Variants in GARIN5A observed in about 807,000 individuals in gnomAD.
The protein encoded by GARIN5A is Golgi-associated RAB2 interactor protein 5A.
At chr19:50,467,465 A>T in the GARIN5A span, 1 of 829,848 alleles carries the variant, frequency 1.2e-6, no homozygotes, top group Non-Finnish European at 1.9e-6. Context: ...GGAGTCCAGG[A>T]CCCAAGCTCT....
At chr19:50,475,816 G>T in the GARIN5A span, 1 of 1,583,856 alleles carries the variant, frequency 6.3e-7, no homozygotes, top group South Asian at 1.1e-5. Flanking sequence ...GGATGAGGGG[G>T]TTCTGGGGCT....
At chr19:50,476,478 G>T in the GARIN5A span, 1 of 1,574,852 alleles carries the variant, frequency 6.3e-7, no homozygotes. Flanking sequence ...GATGCGGCCT[G>T]TTCCTCCCGG....
chr19:50,470,621 G>A, the GARIN5A span, among the ~76,000 whole-genome samples: 15 of 151,644 alleles, frequency 9.9e-5, no homozygotes, highest in Non-Finnish European at 2.1e-4. Flanking sequence ...GGGGGTGGGC[G>A]CAGGGAGAAG....
the GARIN5A span, among the ~76,000 whole-genome samples, chr19:50,470,970 A>G: frequency 6.6e-6 from 1 of 150,450 alleles, no homozygotes; most frequent in East Asian, 2.0e-4. Flanking sequence ...ACTGCTTTTT[A>G]TTTTATTTTT....
the GARIN5A span, chr19:50,467,561 C>G: frequency 6.5e-7 from 1 of 1,533,498 alleles, no homozygotes; most frequent in Non-Finnish European, 8.8e-7. Context: ...CTCACCTCCT[C>G]CCACTCCCTC....
chr19:50,471,956 A>ATGTG, the GARIN5A span, among the ~76,000 whole-genome samples: 17 of 139,228 alleles, frequency 1.2e-4, no homozygotes, highest in East Asian at 4.6e-4. Flanking sequence ...ATATACATGT[A>ATGTG]TGTATGTATA....
At chr19:50,475,981 T>A in the GARIN5A span, 1 of 1,604,530 alleles carries the variant, frequency 6.2e-7, no homozygotes, top group African/African-American at 1.3e-5. Context: ...GGGTCGATCC[T>A]GGGAGGCTGT....
chr19:50,476,635 C>T, the GARIN5A span: 29 of 1,544,508 alleles, frequency 1.9e-5, no homozygotes, highest in Admixed American at 5.2e-4. Context: ...CAGCGGCTGC[C>T]GGGCCGGGAC....
the GARIN5A span, among the ~76,000 whole-genome samples, chr19:50,468,332 A>C: frequency 7.0e-6 from 1 of 142,920 alleles, no homozygotes; most frequent in Non-Finnish European, 1.5e-5. Context: ...ACTGCACTCC[A>C]GCCTGGGCGA....
chr19:50,472,032 ACG>A, the GARIN5A span, among the ~76,000 whole-genome samples: 3 of 137,586 alleles, frequency 2.2e-5, no homozygotes, highest in African/African-American at 1.0e-4. Flanking sequence ...ATGTATATGT[ACG>A]TGTGTGTATA....
the GARIN5A span, chr19:50,476,015 C>G: frequency 4.4e-4 from 708 of 1,603,006 alleles, no homozygotes; most frequent in South Asian, 1.2e-3. Context: ...ACTGAGAGGG[C>G]CCGGCACAGC....
At chr19:50,476,336 G>T in the GARIN5A span, 1 of 1,585,388 alleles carries the variant, frequency 6.3e-7, no homozygotes, top group South Asian at 1.2e-5. Context: ...GATTTGTGAT[G>T]ACGTCCCTGG....
the GARIN5A span, among the ~76,000 whole-genome samples, chr19:50,468,868 G>A: frequency 4.9e-4 from 75 of 152,194 alleles, no homozygotes; most frequent in African/African-American, 1.6e-3. Flanking sequence ...TCAAAGTGCC[G>A]GGATTATAGG....
the GARIN5A span, among the ~76,000 whole-genome samples, chr19:50,472,271 GTATATA>G: frequency 9.8e-6 from 1 of 102,538 alleles, no homozygotes; most frequent in African/African-American, 9.0e-5. Context: ...GTGTATATAT[GTATATA>G]TACATGTATG....
the GARIN5A span, among the ~76,000 whole-genome samples, chr19:50,467,209 C>T: frequency 6.6e-6 from 1 of 152,128 alleles, no homozygotes; most frequent in Non-Finnish European, 1.5e-5. Flanking sequence ...TCTCTAGACC[C>T]TACTCTGGTA....
chr19:50,474,380 C>CT, the GARIN5A span, among the ~76,000 whole-genome samples: 1 of 144,856 alleles, frequency 6.9e-6, no homozygotes. Context: ...GAGTCTCGCT[C>CT]TGTCGCCCAG....
At chr19:50,471,463 C>T in the GARIN5A span, among the ~76,000 whole-genome samples, 339 of 151,834 alleles carry the variant, frequency 2.2e-3, 3 homozygotes, top group African/African-American at 7.5e-3. Context: ...GAGATAGGGT[C>T]TCACCATGTT....
the GARIN5A span, among the ~76,000 whole-genome samples, chr19:50,467,370 T>G: frequency 6.6e-6 from 1 of 151,826 alleles, no homozygotes; most frequent in African/African-American, 2.4e-5. Flanking sequence ...TCACCTCTAC[T>G]TCCAGAACCA....
the GARIN5A span, chr19:50,476,414 G>GGACGGGTGCCAGTGCGCAGGTGCC: frequency 9.7e-6 from 15 of 1,545,924 alleles, no homozygotes; most frequent in Non-Finnish European, 1.2e-5. Context: ...CCCCAGGTGC[G>GGACGGGTGCCAGTGCGCAGGTGCC]GACGGGTGCC....
Sources: allele counts gnomAD v4.1 joint callset (sites outside exome capture counted in the v4.1 genomes callset), GRCh38; gene constraint gnomAD v4.1.1; transcripts MANE v1.5; gene names NCBI Gene and HGNC (gene_info 2026-07-23, HGNC 2026-07-21).